Variants in MACROD2 observed in about 807,000 individuals in gnomAD.
MACROD2 encodes the protein mono-ADP ribosylhydrolase 2, also known as ADP-ribose glycohydrolase MACROD2.
In MACROD2, 36 loss-of-function variants were observed where a neutral mutation model predicts 70.4. The observed-to-expected ratio is 0.51, with a 90% CI of 0.39 to 0.68. The LOEUF is 0.68. Among genes scored for constraint, MACROD2 ranks in the 30% least tolerant of loss-of-function variants. The probability of loss-of-function intolerance (pLI) is 0.00; values close to 1 mark genes in which losing one functional copy is unlikely to be tolerated. For missense variants in MACROD2, 496 were observed against 538.4 expected, an observed-to-expected ratio of 0.92 and a Z score of 0.78; for synonymous variants, 172 against 178.8, an observed-to-expected ratio of 0.96 and a Z score of 0.30.
At chr20:14,644,508 G>GT (rs1179685574) in intron 4 of MACROD2, among the ~76,000 whole-genome samples, 9 of 152,068 alleles carry the variant, frequency 5.9e-5, no homozygotes, top group African/African-American at 1.2e-4. Context: ...TTATATACTA[G>GT]TTTTTTTGTC....
chr20:15,902,246 T>C (rs1052655674), intron 10 of MACROD2, among the ~76,000 whole-genome samples: 1 of 152,138 alleles, frequency 6.6e-6, no homozygotes, highest in African/African-American at 2.4e-5. Context: ...TGCCTACCAT[T>C]TGACGGTGTA....
chr20:16,004,668 C>T (rs1307065656), intron 15 of MACROD2, among the ~76,000 whole-genome samples: 2 of 152,258 alleles, frequency 1.3e-5, no homozygotes, highest in African/African-American at 2.4e-5. Flanking sequence ...CCCCTGTCAG[C>T]AGCCAACTCC....
chr20:14,873,048 C>A (rs1276519759), intron 5 of MACROD2, among the ~76,000 whole-genome samples: 1 of 139,682 alleles, frequency 7.2e-6, no homozygotes, highest in East Asian at 1.9e-4. Flanking sequence ...CCCCTTGACA[C>A]ATGAAGAATA....
At chr20:14,124,808 C>A (rs1437034964) in intron 3 of MACROD2, among the ~76,000 whole-genome samples, 2 of 151,972 alleles carry the variant, frequency 1.3e-5, no homozygotes, top group African/African-American at 4.8e-5. Flanking sequence ...GGTATAATGC[C>A]CAAGAGAATT....
chr20:14,600,327 CATAT>C lies in MACROD2; in HGVS notation c.302-84502_302-84499del, dbSNP rs769273379. Reference sequence around the variant, plus strand: ...GTAAAAAGTATGTAATATGCAGCTACATATATATATATATATACACACACACACA... The same window carrying C: ...GTAAAAAGTATGTAATATGCAGCTACATATATATATATACACACACACACA... On this transcript the variant is annotated intron_variant, in intron 4 of 17. Coordinates refer to ENST00000684519, the MANE Select transcript of MACROD2 (RefSeq NM_001351661.2). Among the ~76,000 whole-genome samples, 26 of 128,734 alleles carry C rather than the reference CATAT, an allele frequency of 2.0e-4. 1 individual carries two copies. The highest frequency in any genetic ancestry group is 8.3e-4 in the Admixed American group (10 of 12,090). The allele number at this position is 128,734 out of a possible 152,430, so 84.5% of individuals were successfully genotyped here. A position where few individuals can be genotyped will look rare whatever the true frequency, so the allele number is the denominator to read the frequency against.
At chr20:15,331,267 C>A (rs112443106) in intron 6 of MACROD2, among the ~76,000 whole-genome samples, 7 of 151,692 alleles carry the variant, frequency 4.6e-5, no homozygotes, top group East Asian at 3.9e-4. Context: ...ATAAAGAATT[C>A]TTTTTACCCA....
At chr20:15,622,817 G>A (rs916813868) in intron 8 of MACROD2, among the ~76,000 whole-genome samples, 1 of 152,066 alleles carries the variant, frequency 6.6e-6, no homozygotes, top group Admixed American at 6.5e-5. Flanking sequence ...TGTTATAATT[G>A]TTCTATTTTA....
intron 7 of MACROD2, among the ~76,000 whole-genome samples, chr20:15,493,948 T>C (rs182101275): frequency 1.0e-3 from 153 of 152,352 alleles, no homozygotes; most frequent in African/African-American, 3.5e-3. Context: ...AAATTCAACT[T>C]GCTGTTTCAC....
chr20:15,326,155 T>C (rs1363074369), intron 6 of MACROD2, among the ~76,000 whole-genome samples: 6 of 152,054 alleles, frequency 3.9e-5, no homozygotes, highest in Non-Finnish European at 8.8e-5. Flanking sequence ...AATGAGAAAA[T>C]TGTTTTGGAA....
intron 5 of MACROD2, among the ~76,000 whole-genome samples, chr20:14,967,238 G>T (rs920216082): frequency 1.3e-5 from 2 of 152,072 alleles, no homozygotes; most frequent in Non-Finnish European, 2.9e-5. Flanking sequence ...TGACACCCAG[G>T]CTGGAGTGCA....
Position 14,670,162 on chromosome 20 carries a change from C to T in MACROD2, c.302-14681C>T, listed in dbSNP as rs1463492484. 2.0e-5 allele frequency among the ~76,000 whole-genome samples: 3 copies of T among 152,090 alleles called. No individual in the cohort carries two copies. The East Asian group carries it at 5.8e-4, about 29-fold the overall frequency. ...ATAACATCTTACAGCACCGTTTTCA[C>T]CAGCTAGTATATCCTTTGCCTGAAA... On this transcript the variant is annotated intron_variant, in intron 4 of 17. Transcript: ENST00000684519.
intron 8 of MACROD2, among the ~76,000 whole-genome samples, chr20:15,540,137 C>T (rs1479228354): frequency 2.0e-5 from 3 of 152,186 alleles, no homozygotes; most frequent in African/African-American, 7.2e-5. Flanking sequence ...ACCATGGTTG[C>T]TCAGATAATG....
intron 8 of MACROD2, among the ~76,000 whole-genome samples, chr20:15,584,915 C>A (rs989078018): frequency 1.3e-5 from 2 of 152,224 alleles, no homozygotes; most frequent in African/African-American, 2.4e-5. Context: ...AGTCCTCTAG[C>A]TTGACAGAAA....
At chr20:15,508,023 G>A (rs2047450548) in intron 8 of MACROD2, among the ~76,000 whole-genome samples, 2 of 152,174 alleles carry the variant, frequency 1.3e-5, no homozygotes. Context: ...ACTCTGGTGG[G>A]GAGCTCATCA....
intron 6 of MACROD2, among the ~76,000 whole-genome samples, chr20:15,284,539 G>A (rs1049929584): frequency 6.6e-6 from 1 of 152,090 alleles, no homozygotes; most frequent in Non-Finnish European, 1.5e-5. Context: ...CTCTCTTTCT[G>A]TGATATTTGC....
chr20:15,371,588 A>G (rs1448979448), intron 6 of MACROD2, among the ~76,000 whole-genome samples: 1 of 152,172 alleles, frequency 6.6e-6, no homozygotes, highest in Non-Finnish European at 1.5e-5. Context: ...AGGGAATCCT[A>G]ACTATGGATG....
intron 6 of MACROD2, among the ~76,000 whole-genome samples, chr20:15,292,794 CTG>C (rs2077552458): frequency 6.6e-6 from 1 of 152,280 alleles, no homozygotes; most frequent in South Asian, 2.1e-4. Context: ...TATATAATGA[CTG>C]TTTTTTCTTG....
intron 2 of MACROD2, among the ~76,000 whole-genome samples, chr20:14,004,704 CTA>C (rs1353633443): frequency 2.0e-5 from 3 of 151,862 alleles, no homozygotes; most frequent in Non-Finnish European, 4.4e-5. Context: ...TAAAGGAAAA[CTA>C]TACATATGGT....
intron 5 of MACROD2, among the ~76,000 whole-genome samples, chr20:15,025,064 G>A (rs2075219650): frequency 6.6e-6 from 1 of 151,944 alleles, no homozygotes; most frequent in Non-Finnish European, 1.5e-5. Context: ...ACTTTCCAAT[G>A]TTGTTTTTTT....
Sources: allele counts gnomAD v4.1 joint callset (sites outside exome capture counted in the v4.1 genomes callset), GRCh38; gene constraint gnomAD v4.1.1; transcripts MANE v1.5; gene names NCBI Gene and HGNC (gene_info 2026-07-23, HGNC 2026-07-21).